Variants in CCL18 observed in about 807,000 individuals in gnomAD.
CCL18 encodes the protein C-C motif chemokine 18.
In CCL18, 7 loss-of-function variants were observed where a neutral mutation model predicts 8.0. The ratio of observed to expected loss-of-function variants is 0.87; its 90% CI spans 0.50 to 1.64. The LOEUF (loss-of-function observed/expected upper bound fraction) is 1.64. Ranked by LOEUF, CCL18 falls within the 40% of genes most tolerant of loss-of-function variation. The probability of loss-of-function intolerance (pLI) is 0.00; values close to 1 mark genes in which losing one functional copy is unlikely to be tolerated. For missense variants in CCL18, 95 were observed against 107.8 expected (o/e 0.88, Z 0.52); for synonymous variants, 35 against 41.3 (o/e 0.85, Z 0.59).
intron 1 of CCL18, among the ~76,000 whole-genome samples, chr17:36,067,382 A>G (rs2142051619): frequency 2.0e-5 from 3 of 152,266 alleles, no homozygotes; most frequent in Admixed American, 2.0e-4. Flanking sequence ...GATGTTTGGC[A>G]CAACTTATAA....
intron 1 of CCL18, among the ~76,000 whole-genome samples, chr17:36,064,908 G>A (rs1217290509): frequency 6.6e-6 from 1 of 152,182 alleles, no homozygotes; most frequent in Non-Finnish European, 1.5e-5. Flanking sequence ...CAAGACTAGG[G>A]AAATTAAGGA....
At chr17:36,067,851 T>C (rs2066845485) in intron 1 of CCL18, among the ~76,000 whole-genome samples, 1 of 152,230 alleles carries the variant, frequency 6.6e-6, no homozygotes, top group African/African-American at 2.4e-5. Flanking sequence ...AATGCTTTGG[T>C]CAATGACAAA....
At chr17:36,065,064 A>G (rs1450736291) in intron 1 of CCL18, among the ~76,000 whole-genome samples, 1 of 152,064 alleles carries the variant, frequency 6.6e-6, no homozygotes, top group Non-Finnish European at 1.5e-5. Flanking sequence ...CTCAGATAAG[A>G]TTCACACCCC....
At chr17:36,067,726 AGT>A (rs1244248221) in intron 1 of CCL18, among the ~76,000 whole-genome samples, 3 of 152,148 alleles carry the variant, frequency 2.0e-5, no homozygotes, top group Admixed American at 2.0e-4. Context: ...CATATGTTAC[AGT>A]AGTGCATGAC....
chr17:36,070,987 C>T lies in CCL18; in HGVS notation c.216C>T (p.Asp72=). The T allele has an allele frequency of 1.9e-6, 3 of 1,613,980 alleles. No individual in the cohort carries two copies. The highest frequency in any genetic ancestry group is 2.5e-6 in the Non-Finnish European group (3 of 1,179,856). Residue 72 remains aspartate (D), a synonymous_variant, in exon 3 of 3, where the codon GAC becomes GAT. Coordinates refer to ENST00000616054, the MANE Select transcript of CCL18 (RefSeq NM_002988.4). ...LTKRGRQICA[D]PNKKWVQKYI... ...AGAGAGGCCGGCAGATCTGTGCTGA[C>T]CCCAATAAGAAGTGGGTCCAGAAAT... is the stretch of plus-strand genomic sequence containing the variant.
intron 1 of CCL18, 186 bp from the exon 2 acceptor site, chr17:36,070,261 A>G: frequency 1.8e-6 from 1 of 541,062 alleles, no homozygotes; most frequent in Non-Finnish European, 3.3e-6. Flanking sequence ...CAAGAGAAAG[A>G]TGCAGAAATT....
At position 36,068,877 on chromosome 17, in the gene CCL18, T is replaced by A. The variant is rs937231310; in HGVS notation, c.68-1570T>A. The stretch of plus-strand genomic sequence containing the variant: ...TTATTTATTTACCTAATTATTTATT[T>A]GAGACAAAGTCTTACTCTGTTGCCC... On this transcript the variant is annotated intron_variant, in intron 1 of 2. Transcript: ENST00000616054. Among the ~76,000 whole-genome samples, 12 of 152,288 alleles carry A rather than the reference T, an allele frequency of 7.9e-5. No homozygotes were observed. In the South Asian group the frequency reaches 2.3e-3, roughly 29 times the overall value.
At chr17:36,068,374 C>G (rs1331118326) in intron 1 of CCL18, among the ~76,000 whole-genome samples, 1 of 151,696 alleles carries the variant, frequency 6.6e-6, no homozygotes, top group Non-Finnish European at 1.5e-5. Flanking sequence ...TTTTTCCTAC[C>G]TTCAATGAAA....
chr17:36,064,830 G>A (rs2066828611), intron 1 of CCL18, among the ~76,000 whole-genome samples: 1 of 152,202 alleles, frequency 6.6e-6, no homozygotes, highest in South Asian at 2.1e-4. Context: ...GGAGAGTTAG[G>A]AGAAGGGCAT....
intron 1 of CCL18, 46 bp from the exon 2 acceptor site, chr17:36,070,401 G>A (rs1347812644): frequency 1.7e-6 from 2 of 1,195,234 alleles, no homozygotes; most frequent in Non-Finnish European, 2.5e-6. Context: ...CAGCTGGCTT[G>A]CCTTGTGAAC....
At chr17:36,070,725 C>A (rs757003907) in intron 2 of CCL18, among the ~76,000 whole-genome samples, 167 bp downstream of exon 2, 5 of 152,194 alleles carry the variant, frequency 3.3e-5, no homozygotes, top group African/African-American at 1.2e-4. Flanking sequence ...TCCTGAAGGG[C>A]CTGCCCCTGG....
chr17:36,064,712 A>G (rs1176420592), intron 1 of CCL18, among the ~76,000 whole-genome samples: 1 of 152,158 alleles, frequency 6.6e-6, no homozygotes, highest in Non-Finnish European at 1.5e-5. Flanking sequence ...TAAGTTTTAC[A>G]ATGACCTCAG....
intron 1 of CCL18, among the ~76,000 whole-genome samples, chr17:36,065,817 C>G (rs183674547): frequency 6.6e-5 from 10 of 152,324 alleles, no homozygotes; most frequent in Admixed American, 3.9e-4. Flanking sequence ...CTGTCTTACT[C>G]TCACTCCCTT....
rs2066863036 is a variant in CCL18 at position 36,071,011 on chromosome 17, A to G, written c.240A>G (p.Lys80=). 6.2e-7 allele frequency: 1 copy of G among 1,613,876 alleles called. No homozygotes were observed. The change falls in exon 3 of 3, where the codon AAA becomes AAG. Residue 80 remains lysine, a synonymous_variant. Coordinates refer to ENST00000616054, the MANE Select transcript of CCL18 (RefSeq NM_002988.4). The part of the protein sequence containing the change: ...CADPNKKWVQ[K]YISDLKLNA ...ACCCCAATAAGAAGTGGGTCCAGAAATACATCAGCGACCTGAAGCTGAATG... is the reference window on the plus strand; with the variant it reads ...ACCCCAATAAGAAGTGGGTCCAGAAGTACATCAGCGACCTGAAGCTGAATG...
chr17:36,067,099 A>G lies in CCL18; in HGVS notation c.67+2690A>G, dbSNP rs937715138. ...GTGTTTGATCCAGACCCAAATGGACAGAATGGAATAGGGAAAGTCTGGACT... is the reference window on the plus strand; with the variant it reads ...GTGTTTGATCCAGACCCAAATGGACGGAATGGAATAGGGAAAGTCTGGACT... On this transcript the variant is annotated intron_variant, in intron 1 of 2. Transcript: ENST00000616054. Among the ~76,000 whole-genome samples, 7 of 152,236 alleles carry G rather than the reference A, an allele frequency of 4.6e-5. 1 individual carries two copies. The highest frequency in any genetic ancestry group is 7.2e-5 in the African/African-American group (3 of 41,458).
chr17:36,070,948 C>T lies in CCL18; in HGVS notation c.180-3C>T. ...TTCTTAACTCTTCCTCCCTTCTCCA[C>T]AGCCTCCTAACCAAGAGAGGCCGGC... On this transcript the variant is annotated splice_polypyrimidine_tract_variant and splice_region_variant and intron_variant, in intron 2 of 2. Transcript: ENST00000616054. 1 of 1,610,140 alleles carries T rather than the reference C, an allele frequency of 6.2e-7. No individual in the cohort carries two copies. Among genetic ancestry groups the T allele is most frequent in the Non-Finnish European group, 8.5e-7 (1 of 1,176,320 alleles).
chr17:36,066,425 G>T (rs932043365), intron 1 of CCL18, among the ~76,000 whole-genome samples: 1 of 152,160 alleles, frequency 6.6e-6, no homozygotes, highest in Non-Finnish European at 1.5e-5. Context: ...CACCTACATC[G>T]TTCTGGGGTC....
intron 1 of CCL18, among the ~76,000 whole-genome samples, chr17:36,066,625 T>C (rs1446457119): frequency 6.6e-6 from 1 of 152,242 alleles, no homozygotes; most frequent in Non-Finnish European, 1.5e-5. Flanking sequence ...GGGCTGAATG[T>C]GCAGAAATGT....
At position 36,071,652 on chromosome 17, in the gene CCL18, C is replaced by T. The variant is rs2066867550; in HGVS notation, c.*611C>T. ...CTTTCCTGAAAAGTTGAAACAGACA[C>T]CATTAGTTTATAAACCATATTGTAA... On this transcript the variant is annotated 3_prime_UTR_variant, in exon 3 of 3. Coordinates refer to ENST00000616054, the MANE Select transcript of CCL18 (RefSeq NM_002988.4). 6.6e-6 allele frequency: 1 copy of T among 152,210 alleles called. No homozygotes were observed. Among genetic ancestry groups the T allele is most frequent in the Admixed American group, 6.5e-5 (1 of 15,282 alleles). The allele number at this position is 152,210 out of a possible 1,614,324, so 9.4% of individuals were successfully genotyped here.
Sources: gnomAD v4.1 joint callset for allele counts (sites outside exome capture counted in the v4.1 genomes callset) on GRCh38, gnomAD v4.1.1 for gene constraint, MANE v1.5 for transcripts, NCBI Gene and HGNC (gene_info 2026-07-23, HGNC 2026-07-21) for gene names.